The following KANK3 variants were observed in gnomAD, a reference collection of about 807,000 sequenced individuals.
KANK3 encodes the protein KN motif and ankyrin repeat domain-containing protein 3.
Under a neutral mutation model 65.4 loss-of-function variants are expected in KANK3, and 61 were observed. The observed-to-expected ratio is 0.93, with a 90% CI of 0.76 to 1.15. The LOEUF (loss-of-function observed/expected upper bound fraction) is 1.15. Ranked by LOEUF, KANK3 falls within the 50% of genes most tolerant of loss-of-function variation. The pLI is 0.00. For missense variants in KANK3, 1,187 were observed against 1,178.8 expected (o/e 1.01, Z -0.10); for synonymous variants, 586 against 543.3 (o/e 1.08, Z -1.09).
chr19:8,326,631 C>CAAAAA (rs1206711323), intron 7 of KANK3, among the ~76,000 whole-genome samples: 1,767 of 128,368 alleles, frequency 0.014, 42 homozygotes, highest in African/African-American at 0.05. Flanking sequence ...ACTAAAAATA[C>CAAAAA]AAAAAAAAAA....
chr19:8,339,963 C>CAA (rs59020478), intron 1 of KANK3, among the ~76,000 whole-genome samples: 24 of 95,736 alleles, frequency 2.5e-4, no homozygotes, highest in East Asian at 6.3e-4. Flanking sequence ...GACCTTGTCT[C>CAA]AAAAAAAAAA....
rs887151054 is a variant in KANK3 at position 8,334,307 on chromosome 19, G to A, written c.1427+13C>T. On this transcript the variant is annotated intron_variant, in intron 4 of 10. Transcript: ENST00000330915. ...CCCGGCAGAAGCTGCCACAGGAGGG[G>A]AAAGGCGCTCACTCTCCGTTGAGGA... The A allele has an allele frequency of 6.8e-6, 11 of 1,613,692 alleles. No homozygotes were observed. Among genetic ancestry groups the A allele is most frequent in the Non-Finnish European group, 8.5e-6 (10 of 1,179,908 alleles).
chr19:8,337,811 C>G lies in KANK3; in HGVS notation c.18G>C (p.Leu6=). ...CACACTCACCGGGCAGGTTCTGATT[C>G]AGGGCAAACTTGGCCATGTTTCCTG... is the stretch of plus-strand genomic sequence containing the variant. MAKFA[L]NQNLPDLGGP... The change falls in exon 2 of 11, where the codon CTG becomes CTC. Residue 6 remains leucine, a synonymous_variant. Transcript: ENST00000330915. 1 of 1,613,456 alleles carries G rather than the reference C, an allele frequency of 6.2e-7. No individual in the cohort carries two copies. The highest frequency in any genetic ancestry group is 8.5e-7 in the Non-Finnish European group (1 of 1,179,986).
chr19:8,335,437 G>C lies in KANK3; in HGVS notation c.390C>G (p.Val130=), dbSNP rs1299634560. The C allele has an allele frequency of 8.2e-7, 1 of 1,218,364 alleles. No homozygotes were observed. Among genetic ancestry groups the C allele is most frequent in the Non-Finnish European group, 1.0e-6 (1 of 978,182 alleles). The allele number at this position is 1,218,364 out of a possible 1,614,324, so 75.5% of individuals were successfully genotyped here. Residue 130 remains valine, a synonymous_variant, in exon 3 of 11, where the codon GTC becomes GTG. Coordinates refer to ENST00000330915, the MANE Select transcript of KANK3 (RefSeq NM_198471.3). ...GGCTGGTCTCCCGGAGCGTGTGCTC[G>C]ACGCGCGGGTTGCGCACGGGCGCGC... is the stretch of plus-strand genomic sequence containing the variant. ...SPRAPVRNPR[V]EHTLRETSRR...
chr19:8,323,979 C>T (rs945189009), intron 10 of KANK3, among the ~76,000 whole-genome samples: 2 of 152,186 alleles, frequency 1.3e-5, no homozygotes, highest in African/African-American at 4.8e-5. Flanking sequence ...TGATAAGAGC[C>T]TCCCTGGCAG....
intron 4 of KANK3, 46 bp from the exon 5 acceptor site, chr19:8,334,162 C>A: frequency 6.7e-7 from 1 of 1,488,150 alleles, no homozygotes. Flanking sequence ...CCTGTGGGCT[C>A]GTTCTGGAGT....
intron 7 of KANK3, 165 bp downstream of exon 7, chr19:8,332,849 A>T (rs149255533): frequency 8.4e-6 from 3 of 355,102 alleles, no homozygotes; most frequent in Non-Finnish European, 1.5e-5. Flanking sequence ...AATAAAATAA[A>T]ATAATAAAAT....
At chr19:8,342,223 C>G (rs1970730278) in intron 1 of KANK3, among the ~76,000 whole-genome samples, 1 of 152,120 alleles carries the variant, frequency 6.6e-6, no homozygotes. Context: ...AAACTCCTGA[C>G]CTCAAGAGAT....
chr19:8,340,151 A>G (rs1487619419), intron 1 of KANK3, among the ~76,000 whole-genome samples: 1 of 150,948 alleles, frequency 6.6e-6, no homozygotes, highest in Non-Finnish European at 1.5e-5. Flanking sequence ...AGTCCCAGCT[A>G]CTCAGGAGGC....
intron 1 of KANK3, among the ~76,000 whole-genome samples, chr19:8,338,792 G>A (rs980401364): frequency 4.7e-5 from 7 of 149,626 alleles, no homozygotes; most frequent in African/African-American, 4.9e-5. Context: ...GGAGAATGGC[G>A]TGAACCCGGG....
Position 8,322,777 on chromosome 19 carries a change from G to A in KANK3, c.*62C>T, listed in dbSNP as rs1970342103. 3.1e-6 allele frequency: 4 copies of A among 1,310,888 alleles called. No individual in the cohort carries two copies. The highest frequency in any genetic ancestry group is 3.7e-5 in the Admixed American group (2 of 53,498). 81.2% of individuals were successfully genotyped at this position (1,310,888 alleles called of 1,614,324 possible). A position where few individuals can be genotyped will look rare whatever the true frequency, so the allele number is the denominator to read the frequency against. ...ACCCTGGACCCTTCTGTGCGCCAAAGGCTGAGGTGACTGACGAGGAGATCT... is the reference window on the plus strand; with the variant it reads ...ACCCTGGACCCTTCTGTGCGCCAAAAGCTGAGGTGACTGACGAGGAGATCT... On this transcript the variant is annotated 3_prime_UTR_variant, in exon 11 of 11. Coordinates refer to ENST00000330915, the MANE Select transcript of KANK3 (RefSeq NM_198471.3).
intron 7 of KANK3, among the ~76,000 whole-genome samples, chr19:8,328,678 G>A (rs1268554018): frequency 1.3e-5 from 2 of 152,212 alleles, no homozygotes; most frequent in East Asian, 3.9e-4. Context: ...TGGGGAATGG[G>A]AGCCTGTGAG....
chr19:8,339,963 C>CAAAAAAAAAAAAAAA (rs59020478), intron 1 of KANK3, among the ~76,000 whole-genome samples: 3 of 95,756 alleles, frequency 3.1e-5, no homozygotes, highest in Admixed American at 1.1e-4. Context: ...GACCTTGTCT[C>CAAAAAAAAAAAAAAA]AAAAAAAAAA....
chr19:8,340,109 C>T (rs749791581), intron 1 of KANK3, among the ~76,000 whole-genome samples: 22 of 150,930 alleles, frequency 1.5e-4, no homozygotes, highest in African/African-American at 3.2e-4. Flanking sequence ...TAAATGTCAT[C>T]GCCATAGCTG....
chr19:8,326,123 A>G (rs1970423103), intron 7 of KANK3, among the ~76,000 whole-genome samples: 1 of 151,970 alleles, frequency 6.6e-6, no homozygotes, highest in Non-Finnish European at 1.5e-5. Flanking sequence ...CGCCTGGCCA[A>G]GAGCAACAAT....
chr19:8,339,016 T>C (rs979819095), intron 1 of KANK3, among the ~76,000 whole-genome samples: 1 of 152,090 alleles, frequency 6.6e-6, no homozygotes, highest in African/African-American at 2.4e-5. Context: ...AACGGATACT[T>C]GTCTCCCTGG....
chr19:8,337,773 A>T, intron 2 of KANK3, 22 bp downstream of exon 2: 4 of 1,611,900 alleles, frequency 2.5e-6, no homozygotes, highest in African/African-American at 1.3e-5. Flanking sequence ...ACACACACAC[A>T]TCTCTCTTTT....
Position 8,335,775 on chromosome 19 carries a change from G to A in KANK3, c.52C>T (p.Leu18=), listed in dbSNP as rs1040527045. The change falls in exon 3 of 11, where the codon CTG becomes TTG. Residue 18 remains leucine, a synonymous_variant. Coordinates refer to ENST00000330915, the MANE Select transcript of KANK3 (RefSeq NM_198471.3). ...CCCCCGGCGGCGGGGACCGGGCACA[G>A]GCGGGGGCCGCCCAGGTCTGGAGGC... The part of the protein sequence containing the change: ...QNLPDLGGPR[L]CPVPAAGGAR... The A allele has an allele frequency of 1.6e-6, 2 of 1,238,234 alleles. No homozygotes were observed. The highest frequency in any genetic ancestry group is 6.3e-5 in the East Asian group (2 of 31,710). The allele number at this position is 1,238,234 out of a possible 1,614,324, so 76.7% of individuals were successfully genotyped here.
chr19:8,337,679 C>T (rs990125189), intron 2 of KANK3, 116 bp downstream of exon 2: 13 of 1,249,874 alleles, frequency 1.0e-5, no homozygotes, highest in Non-Finnish European at 1.3e-5. Flanking sequence ...AAAGCAGGCT[C>T]ATGACATTGG....
Sources: allele counts gnomAD v4.1 joint callset (sites outside exome capture counted in the v4.1 genomes callset), GRCh38; gene constraint gnomAD v4.1.1; transcripts MANE v1.5; gene names NCBI Gene and HGNC (gene_info 2026-07-23, HGNC 2026-07-21).